Variants in MDN1 observed in about 807,000 individuals in gnomAD.
MDN1 encodes the protein midasin AAA ATPase 1.
A neutral mutation model predicts 669.2 loss-of-function variants in MDN1; 266 were observed. That is an observed-to-expected ratio of 0.40 (90% CI 0.36 to 0.44). The LOEUF is 0.44. Among genes scored for constraint, MDN1 ranks in the 20% least tolerant of loss-of-function variants. MDN1 has a pLI of 1.00. For missense variants in MDN1, 5,940 were observed against 6,754.0 expected, an observed-to-expected ratio of 0.88 and a Z score of 4.22; for synonymous variants, 2,385 against 2,457.1, an observed-to-expected ratio of 0.97 and a Z score of 0.87.
intron 64 of MDN1, 129 bp from the exon 65 acceptor site, chr6:89,690,272 T>A: frequency 1.9e-6 from 2 of 1,028,030 alleles, no homozygotes; most frequent in Non-Finnish European, 1.4e-6. Flanking sequence ...TGTATTAAAA[T>A]ATATTTTAAA....
intron 82 of MDN1, among the ~76,000 whole-genome samples, chr6:89,671,843 T>C (rs914853099): frequency 6.6e-5 from 10 of 152,240 alleles, no homozygotes; most frequent in Admixed American, 6.5e-4. Flanking sequence ...TGTTCGCTTA[T>C]TGTAGTGGGA....
At chr6:89,754,253 G>A (rs1168349985) in intron 20 of MDN1, 23 bp from the exon 21 acceptor site, 1 of 1,603,484 alleles carries the variant, frequency 6.2e-7, no homozygotes, top group South Asian at 1.1e-5. Context: ...TAAAGGTCAG[G>A]CAATTTTATT....
chr6:89,651,476 C>T (rs1187539934), intron 95 of MDN1, among the ~76,000 whole-genome samples: 1 of 151,904 alleles, frequency 6.6e-6, no homozygotes, highest in Admixed American at 6.6e-5. Flanking sequence ...ATTAGTCGGG[C>T]GTGGTGGCAA....
chr6:89,720,714 T>C (rs555354260), intron 40 of MDN1, among the ~76,000 whole-genome samples: 2 of 152,338 alleles, frequency 1.3e-5, no homozygotes, highest in East Asian at 3.9e-4. Context: ...TAGCTGATTA[T>C]GTGAATTATA....
chr6:89,732,806 TG>T (rs1408246117), intron 33 of MDN1, 31 bp from the exon 34 acceptor site: 1 of 1,601,750 alleles, frequency 6.2e-7, no homozygotes, highest in Admixed American at 1.7e-5. Flanking sequence ...AAGCATTTGC[TG>T]TTAACGGGAG....
rs761556631 is a variant in MDN1 at position 89,707,392 on chromosome 6, A to G, written c.7983T>C (p.Ser2661=). The part of the protein sequence containing the change: ...VSVGSKKLRE[S]VLRMSFEFHQ... ...GGAATTCAAAGGACATTCTCAAAAC[A>G]CTCTCTCTTAGCTTTTTGCTACCAA... Residue 2661 remains serine (S), a synonymous_variant, in exon 52 of 102, where the codon AGT becomes AGC. Transcript: ENST00000369393. 1.2e-6 allele frequency: 2 copies of G among 1,613,206 alleles called. No homozygotes were observed. Among genetic ancestry groups the G allele is most frequent in the Non-Finnish European group, 1.7e-6 (2 of 1,179,392 alleles).
At chr6:89,702,191 G>C in intron 53 of MDN1, 130 bp from the exon 54 acceptor site, 1 of 788,240 alleles carries the variant, frequency 1.3e-6, no homozygotes, top group Non-Finnish European at 1.9e-6. Context: ...GGCTATAATT[G>C]CTAATCAATG....
At chr6:89,735,761 C>T (rs996019037) in intron 33 of MDN1, among the ~76,000 whole-genome samples, 4 of 152,188 alleles carry the variant, frequency 2.6e-5, no homozygotes, top group Non-Finnish European at 5.9e-5. Context: ...GTGGCTCACA[C>T]CTATAATCCC....
Position 89,789,892 on chromosome 6 carries a change from C to T in MDN1, c.1118G>A (p.Arg373His), listed in dbSNP as rs375779119. The T allele has an allele frequency of 8.7e-6, 14 of 1,611,170 alleles. No homozygotes were observed. Among genetic ancestry groups the T allele is most frequent in the African/African-American group, 2.7e-5 (2 of 74,724 alleles). Reference protein sequence around the residue: ...TDSKMLLGMYRCTDVPGEFVW... With the variant: ...TDSKMLLGMYHCTDVPGEFVW... ...AAACTCTCCAGGAACATCTGTGCAG[C>T]GATACATCCCCAAAAGCATCTGCAG... Residue 373 changes from arginine to histidine, a missense_variant, in exon 7 of 102, where the codon CGC (arginine) becomes CAC (histidine). Physicochemically the swap from Arg to His is conservative, Grantham distance 29. Transcript: ENST00000369393.
Position 89,718,392 on chromosome 6 carries a change from T to C in MDN1, c.6557A>G (p.Asn2186Ser), listed in dbSNP as rs1814561605. The change falls in exon 43 of 102, where the codon AAT (asparagine) becomes AGT (serine). Residue 2186 changes from asparagine to serine, a missense_variant. Physicochemically the swap from Asn to Ser is conservative, Grantham distance 46. Around this residue, in one of 5 missense-constraint regions of MDN1, gnomAD observed 2,292 missense variants for 2,638.3 expected, o/e 0.87. Coordinates refer to ENST00000369393, the MANE Select transcript of MDN1 (RefSeq NM_014611.3). ...TGCCTTGCAGTATGAGTTGATTTTA[T>C]TGTTGAGTCGCTGCATAAGCAATAA... ...AVLLLMQRLN[N>S]KINSYCKAEF... 1.9e-6 allele frequency: 3 copies of C among 1,614,022 alleles called. No individual in the cohort carries two copies. Among genetic ancestry groups the C allele is most frequent in the Non-Finnish European group, 2.5e-6 (3 of 1,180,026 alleles).
At chr6:89,804,641 T>A (rs1023374662) in intron 1 of MDN1, among the ~76,000 whole-genome samples, 1 of 152,072 alleles carries the variant, frequency 6.6e-6, no homozygotes, top group East Asian at 1.9e-4. Flanking sequence ...AATGAGGATA[T>A]CCCTATCAAG....
At position 89,662,945 on chromosome 6, in the gene MDN1, A is replaced by C. The variant is rs561010775; in HGVS notation, c.14259T>G (p.Asp4753Glu). 6.2e-7 allele frequency: 1 copy of C among 1,613,780 alleles called. No homozygotes were observed. The highest frequency in any genetic ancestry group is 8.5e-7 in the Non-Finnish European group (1 of 1,179,994). ...GTTTATCCAGGTCTCCGCCCTCACT[A>C]TCTGATTTCTCATCATCCTCTTCTG... ...EEQEEDDEKS[D>E]SEGGDLDKHM... is the part of the protein sequence containing the mutation. Residue 4753 changes from aspartate to glutamate, a missense_variant, in exon 86 of 102, where the codon GAT (aspartate) becomes GAG (glutamate). By Grantham distance (45) the Asp-to-Glu change is conservative. Transcript: ENST00000369393.
chr6:89,758,059 A>G (rs1043118740), intron 19 of MDN1, among the ~76,000 whole-genome samples, 196 bp downstream of exon 19: 1 of 151,550 alleles, frequency 6.6e-6, no homozygotes, highest in Admixed American at 6.6e-5. Context: ...GAAAAAAAAT[A>G]AAAAAATAGC....
At chr6:89,685,494 A>T (rs887375126) in intron 70 of MDN1, among the ~76,000 whole-genome samples, 1 of 152,074 alleles carries the variant, frequency 6.6e-6, no homozygotes, top group African/African-American at 2.4e-5. Context: ...CACTGGATGA[A>T]AGAAACTAAT....
chr6:89,765,116 G>T (rs1817746330), intron 15 of MDN1, among the ~76,000 whole-genome samples: 1 of 152,144 alleles, frequency 6.6e-6, no homozygotes, highest in Non-Finnish European at 1.5e-5. Context: ...AAATTAGCCA[G>T]GCATAGTGGC....
At chr6:89,728,537 T>G (rs1815377942) in intron 36 of MDN1, among the ~76,000 whole-genome samples, 1 of 152,178 alleles carries the variant, frequency 6.6e-6, no homozygotes. Context: ...ATATGAAATA[T>G]CTGAGGATAC....
intron 11 of MDN1, among the ~76,000 whole-genome samples, chr6:89,779,923 A>C (rs760974442): frequency 3.9e-5 from 6 of 152,060 alleles, no homozygotes; most frequent in Admixed American, 1.3e-4. Context: ...AAAATTAGCC[A>C]GGGGTGGTGG....
intron 78 of MDN1, 75 bp from the exon 79 acceptor site, chr6:89,674,664 ATTTGTG>A (rs1811063013): frequency 1.3e-6 from 2 of 1,483,098 alleles, no homozygotes; most frequent in East Asian, 4.6e-5. Context: ...TTTAAAAGAA[ATTTGTG>A]TTTCTGAACA....
At chr6:89,793,684 T>C (rs563578405) in intron 5 of MDN1, 78 bp downstream of exon 5, 93 of 1,248,516 alleles carry the variant, frequency 7.4e-5, no homozygotes, top group Middle Eastern at 5.6e-4. Flanking sequence ...ACCTGGTACA[T>C]AGAACCCAGC....
Sources: allele counts gnomAD v4.1 joint callset (sites outside exome capture counted in the v4.1 genomes callset), GRCh38; gene constraint gnomAD v4.1.1; regional missense constraint gnomAD v4.1.1; transcripts MANE v1.5; gene names NCBI Gene and HGNC (gene_info 2026-07-23, HGNC 2026-07-21).